Variants in SLC39A11 observed in about 807,000 individuals in gnomAD.
The protein encoded by SLC39A11 is zinc transporter ZIP11.
A neutral mutation model predicts 36.1 loss-of-function variants in SLC39A11; 33 were observed. That is an observed-to-expected ratio of 0.91 (90% CI 0.69 to 1.22). The LOEUF is 1.22. SLC39A11 is among the 50% of genes most tolerant of loss of function. The probability of loss-of-function intolerance (pLI) is 0.00; values close to 1 mark genes in which losing one functional copy is unlikely to be tolerated. For synonymous variants in SLC39A11, 166 were observed against 170.3 expected, an observed-to-expected ratio of 0.97 and a Z score of 0.20; for missense variants, 432 against 430.3, an observed-to-expected ratio of 1.00 and a Z score of -0.03.
At chr17:72,884,060 T>C (rs2081338400) in intron 5 of SLC39A11, among the ~76,000 whole-genome samples, 1 of 152,052 alleles carries the variant, frequency 6.6e-6, no homozygotes, top group Non-Finnish European at 1.5e-5. Flanking sequence ...GAGGCTGAAG[T>C]GGGAGGATTT....
At chr17:72,949,498 G>A (rs2085712000) in intron 4 of SLC39A11, among the ~76,000 whole-genome samples, 1 of 151,926 alleles carries the variant, frequency 6.6e-6, no homozygotes, top group Admixed American at 6.6e-5. Context: ...AGTTTCTGGA[G>A]GCAGGAAATT....
chr17:72,987,527 C>T (rs2088848393), intron 4 of SLC39A11, among the ~76,000 whole-genome samples: 1 of 152,226 alleles, frequency 6.6e-6, no homozygotes, highest in African/African-American at 2.4e-5. Context: ...GTAAGAGGTA[C>T]CCTGACACTC....
chr17:72,761,175 C>T (rs1275609791), intron 6 of SLC39A11, among the ~76,000 whole-genome samples: 1 of 152,160 alleles, frequency 6.6e-6, no homozygotes, highest in Non-Finnish European at 1.5e-5. Flanking sequence ...AGTGCAGTGG[C>T]ATGATCTCGG....
At chr17:72,860,416 C>T (rs113650157) in intron 5 of SLC39A11, among the ~76,000 whole-genome samples, 2,241 of 152,288 alleles carry the variant, frequency 0.015, 57 homozygotes, top group African/African-American at 0.05. Flanking sequence ...AGAATATACA[C>T]ATGTATGTGC....
intron 6 of SLC39A11, among the ~76,000 whole-genome samples, chr17:72,803,339 G>A (rs2077156262): frequency 6.6e-6 from 1 of 152,256 alleles, no homozygotes. Context: ...CCCAAAGGCA[G>A]ACTCTGCCGG....
At chr17:72,765,886 C>A (rs753145987) in intron 6 of SLC39A11, among the ~76,000 whole-genome samples, 1 of 152,152 alleles carries the variant, frequency 6.6e-6, no homozygotes, top group East Asian at 1.9e-4. Context: ...TTTTCAACAA[C>A]CTCAAGGGCC....
chr17:72,797,600 T>C (rs2076937432), intron 6 of SLC39A11, among the ~76,000 whole-genome samples: 1 of 152,102 alleles, frequency 6.6e-6, no homozygotes. Context: ...CACATTCTAA[T>C]ACCAGCAGCC....
Position 72,991,115 on chromosome 17 carries a change from T to G in SLC39A11, c.306+40441A>C, listed in dbSNP as rs370809964. Among the ~76,000 whole-genome samples the G allele has an allele frequency of 4.3e-4, 65 of 152,338 alleles. 2 individuals carry two copies. In the South Asian group the frequency reaches 0.012, roughly 29 times the overall value. On this transcript the variant is annotated intron_variant, in intron 4 of 9. Coordinates refer to ENST00000255559, the MANE Select transcript of SLC39A11 (RefSeq NM_139177.4). ...GTTACCATATTTGATTCAGATTTTTTAAGTAAACTATTACAGAAAGAATTG... is the reference window on the plus strand; with the variant it reads ...GTTACCATATTTGATTCAGATTTTTGAAGTAAACTATTACAGAAAGAATTG...
chr17:72,978,776 G>A (rs2088066466), intron 4 of SLC39A11, among the ~76,000 whole-genome samples: 1 of 152,060 alleles, frequency 6.6e-6, no homozygotes, highest in South Asian at 2.1e-4. Context: ...TTTTTGGAAA[G>A]GTGCCAACAG....
rs374587725 is a variant in SLC39A11 at position 72,649,185 on chromosome 17, G to A, written c.755C>T (p.Thr252Ile). 9 of 1,613,872 alleles carry A rather than the reference G, an allele frequency of 5.6e-6. No individual in the cohort carries two copies. In the African/African-American group the frequency reaches 9.3e-5, roughly 17 times the overall value. ...CAGCACTCACCAGAAAGCTCTCCAGGTGGAGAAGCCTGCCCCTCGCAAGGG... is the reference window on the plus strand; with the variant it reads ...CAGCACTCACCAGAAAGCTCTCCAGATGGAGAAGCCTGCCCCTCGCAAGGG... ...SLPLRGAGFS[T>I]WRAFWYGQLS... The change falls in exon 8 of 10, where the codon ACC becomes ATC. Residue 252 changes from threonine (T) to isoleucine (I), a missense_variant. By Grantham distance (89) the Thr-to-Ile change is moderately conservative (BLOSUM62 -1). Coordinates refer to ENST00000255559, the MANE Select transcript of SLC39A11 (RefSeq NM_139177.4).
At chr17:72,986,623 T>A (rs532780749) in intron 4 of SLC39A11, among the ~76,000 whole-genome samples, 3 of 152,138 alleles carry the variant, frequency 2.0e-5, no homozygotes, top group African/African-American at 7.2e-5. Context: ...ACACATACAG[T>A]CTTGGGCCCC....
intron 5 of SLC39A11, among the ~76,000 whole-genome samples, chr17:72,945,405 G>C (rs2085373776): frequency 1.3e-5 from 2 of 152,122 alleles, no homozygotes; most frequent in Admixed American, 6.5e-5. Context: ...CCATCTCCTT[G>C]CTCCATTTAC....
intron 6 of SLC39A11, among the ~76,000 whole-genome samples, chr17:72,741,574 G>C (rs2074706671): frequency 6.6e-6 from 1 of 152,196 alleles, no homozygotes; most frequent in Non-Finnish European, 1.5e-5. Context: ...CCGAGGCAAA[G>C]AATCACAGAG....
In SLC39A11 at chr17:72,849,470, C is replaced by T. The variant is rs372399601; in HGVS notation, c.601+164G>A. ...TTCACATATGATGATCTATCTATGA[C>T]GATCAAAAAATAAAGCCAAGAAAGA... On this transcript the variant is annotated intron_variant, in intron 6 of 9. Transcript: ENST00000255559. 8.9e-4 allele frequency: 537 copies of T among 605,234 alleles called. 8 individuals carry two copies. The highest frequency in any genetic ancestry group is 2.6e-4 in the African/African-American group (14 of 53,394). 37.5% of individuals were successfully genotyped at this position (605,234 alleles called of 1,614,324 possible). A position where few individuals can be genotyped will look rare whatever the true frequency, so the allele number is the denominator to read the frequency against.
chr17:73,031,743 T>G, intron 3 of SLC39A11, 29 bp from the exon 4 acceptor site: 1 of 1,609,070 alleles, frequency 6.2e-7, no homozygotes, highest in Non-Finnish European at 8.5e-7. Context: ...GAGATAAACG[T>G]TAAAGCAACT....
chr17:72,801,793 T>C (rs1299680579), intron 6 of SLC39A11, among the ~76,000 whole-genome samples: 2 of 152,336 alleles, frequency 1.3e-5, no homozygotes, highest in East Asian at 3.9e-4. Context: ...TGCACAACTC[T>C]ATAAATTTAC....
intron 6 of SLC39A11, among the ~76,000 whole-genome samples, chr17:72,763,326 A>T (rs1422815553): frequency 6.6e-6 from 1 of 152,218 alleles, no homozygotes; most frequent in East Asian, 1.9e-4. Context: ...ACAATGTTTA[A>T]AAAACTACAA....
At chr17:72,820,312 G>C (rs72847915) in intron 6 of SLC39A11, among the ~76,000 whole-genome samples, 17,864 of 151,024 alleles carry the variant, frequency 0.12, 2,038 homozygotes, top group East Asian at 0.31. Flanking sequence ...GGGTCACATG[G>C]AGCCCTGGTT....
rs1265120710 is a variant in SLC39A11 at position 72,646,442 on chromosome 17, C to A, written c.*1142G>T. The A allele has an allele frequency of 6.6e-6, 1 of 152,176 alleles. No individual in the cohort carries two copies. The allele number at this position is 152,176 out of a possible 1,614,324, so 9.4% of individuals were successfully genotyped here. On this transcript the variant is annotated 3_prime_UTR_variant, in exon 10 of 10. Transcript: ENST00000255559. ...GAGTAGGCTGGCTTCTGGTCTAGTT[C>A]GACTCATTCTTTATAGGGACATTTC...
Sources: allele counts gnomAD v4.1 joint callset (sites outside exome capture counted in the v4.1 genomes callset), GRCh38; gene constraint gnomAD v4.1.1; transcripts MANE v1.5; gene names NCBI Gene and HGNC (gene_info 2026-07-23, HGNC 2026-07-21).